APC: variants seen among roughly 807,000 people sequenced by gnomAD.
APC encodes APC regulator of Wnt signaling pathway.
APC carries 72 observed loss-of-function variants against 247.0 expected under a neutral mutation model. That is an observed-to-expected ratio of 0.29 (90% CI 0.24 to 0.35). APC has a LOEUF of 0.35. Ranked by LOEUF, APC falls within the 10% of genes least tolerant of loss-of-function variation. The pLI, the probability that APC is intolerant of heterozygous loss-of-function variation, is 1.00. For missense variants in APC, 3,400 were observed against 3,360.7 expected, an observed-to-expected ratio of 1.01 and a Z score of -0.29; for synonymous variants, 1,254 against 1,162.5, an observed-to-expected ratio of 1.08 and a Z score of -1.60.
intron 14 of APC, among the ~76,000 whole-genome samples, chr5:112,830,931 G>A (rs1249661717): frequency 1.3e-5 from 2 of 152,132 alleles, no homozygotes; most frequent in Non-Finnish European, 2.9e-5. Context: ...GCAGTTTACT[G>A]TTCTTCAATT....
intron 8 of APC, among the ~76,000 whole-genome samples, chr5:112,807,878 G>T (rs969219178): frequency 2.0e-5 from 3 of 152,110 alleles, no homozygotes; most frequent in African/African-American, 7.2e-5. Context: ...TAACTGGCCA[G>T]GTGTGGTGGC....
rs1580661996 is a variant in APC, at chr5:112,841,227, A to G, written c.5633A>G (p.Lys1878Arg). 1.2e-6 allele frequency: 2 copies of G among 1,613,844 alleles called. No homozygotes were observed. Among genetic ancestry groups the G allele is most frequent in the Non-Finnish European group, 1.7e-6 (2 of 1,179,786 alleles). Reference sequence around the variant, plus strand: ...GATGATGTTGACCTTTCCAGGGAAAAGGCTGAATTAAGAAAGGCAAAAGAA... The same window carrying G: ...GATGATGTTGACCTTTCCAGGGAAAGGGCTGAATTAAGAAAGGCAAAAGAA... ...DDDDVDLSRE[K>R]AELRKAKENK... Residue 1878 changes from lysine to arginine, a missense_variant, in exon 16 of 16, where the codon AAG becomes AGG. By Grantham distance (26) the Lys-to-Arg change is conservative. Coordinates refer to ENST00000257430, the MANE Select transcript of APC (RefSeq NM_000038.6). The surrounding 1 kb of genome is among the most constrained non-coding windows in gnomAD (Gnocchi z 4.6).
intron 6 of APC, among the ~76,000 whole-genome samples, chr5:112,787,951 A>G (rs1405311165): frequency 5.3e-5 from 8 of 151,976 alleles, no homozygotes; most frequent in Admixed American, 1.3e-4. Flanking sequence ...TGTATTATAC[A>G]TGCACATGAT....
chr5:112,751,670 A>G (rs1371627991), intron 1 of APC, among the ~76,000 whole-genome samples: 1 of 151,888 alleles, frequency 6.6e-6, no homozygotes, highest in Non-Finnish European at 1.5e-5. Flanking sequence ...TGTATTGCCA[A>G]ATTATATTAT....
rs540750541 is a variant in APC at position 112,845,716 on chromosome 5, G to A, written c.*1590G>A. 43 of 231,960 alleles carry A rather than the reference G, an allele frequency of 1.9e-4. No individual in the cohort carries two copies. The highest frequency in any genetic ancestry group is 3.4e-4 in the Non-Finnish European group (40 of 117,376). 14.4% of individuals were successfully genotyped at this position (231,960 alleles called of 1,614,324 possible). A position where few individuals can be genotyped will look rare whatever the true frequency, so the allele number is the denominator to read the frequency against. On this transcript the variant is annotated 3_prime_UTR_variant, in exon 16 of 16. Transcript: ENST00000257430. ...TGGAGGGAAGTCTTCCTTCCTGAAG[G>A]AAAATAAACTGACACTTATTAACTA...
chr5:112,738,918 A>G (rs992723958), intron 1 of APC, among the ~76,000 whole-genome samples: 2 of 152,222 alleles, frequency 1.3e-5, no homozygotes, highest in Admixed American at 6.5e-5. Flanking sequence ...TTATGTATGA[A>G]ACAGTGGATC....
chr5:112,766,202 T>C (rs1305280009), intron 2 of APC, 124 bp from the exon 3 acceptor site: 12 of 667,524 alleles, frequency 1.8e-5, no homozygotes, highest in South Asian at 1.4e-4. Context: ...GTAATATATA[T>C]AAGGTGCGTG....
chr5:112,830,955 G>A (rs1764229602), intron 14 of APC, among the ~76,000 whole-genome samples: 1 of 152,076 alleles, frequency 6.6e-6, no homozygotes, highest in South Asian at 2.1e-4. Flanking sequence ...TTTCAATAAA[G>A]TTCAAAAAAA....
intron 7 of APC, among the ~76,000 whole-genome samples, chr5:112,799,528 CT>C (rs1760577448): frequency 3.9e-5 from 6 of 152,198 alleles, no homozygotes; most frequent in African/African-American, 1.4e-4. Context: ...ATACATTAGC[CT>C]CCTAACTGGT....
chr5:112,734,532 G>GA (rs933172092), upstream of APC, among the ~76,000 whole-genome samples: 8 of 150,098 alleles, frequency 5.3e-5, no homozygotes, highest in East Asian at 1.9e-4. Flanking sequence ...TATTTTGAAA[G>GA]AAAAAAAAAG....
rs543118473 is a variant in APC at position 112,779,837 on chromosome 5, G to A, written c.532-953G>A. Among the ~76,000 whole-genome samples, 78 of 152,286 alleles carry A rather than the reference G, an allele frequency of 5.1e-4. 1 individual carries two copies. The South Asian group carries it at 0.015, about 28-fold the overall frequency. ...TGCATATGAATGTCATCTGTATGTT[G>A]CAAAGGGAAAAGGGTGAGAACTAAT... is the stretch of plus-strand genomic sequence containing the variant. On this transcript the variant is annotated intron_variant, in intron 5 of 15. Transcript: ENST00000257430.
At position 112,842,906 on chromosome 5, in the gene APC, G is replaced by C. The variant is rs1766445332; in HGVS notation, c.7312G>C (p.Val2438Leu). The change falls in exon 16 of 16, where the codon GTA (valine) becomes CTA (leucine). Residue 2438 changes from valine (V) to leucine (L), a missense_variant. By Grantham distance (32) the Val-to-Leu change is conservative. Around this residue, in one of 9 missense-constraint regions of APC, gnomAD observed 1,788 missense variants for 1,649.5 expected, o/e 1.08. Transcript: ENST00000257430. ...ESDRSERPVLVRQSTFIKEAP... is the reference protein window; with the variant it reads ...ESDRSERPVLLRQSTFIKEAP... ...TGATAGATCAGAAAGACCTGTATTA[G>C]TACGCCAGTCAACTTTCATCAAAGA... is the stretch of plus-strand genomic sequence containing the variant. 1 of 1,613,930 alleles carries C rather than the reference G, an allele frequency of 6.2e-7. No homozygotes were observed. Among genetic ancestry groups the C allele is most frequent in the African/African-American group, 1.3e-5 (1 of 74,908 alleles).
chr5:112,811,370 A>G (rs534030175), intron 8 of APC, among the ~76,000 whole-genome samples: 3 of 152,332 alleles, frequency 2.0e-5, no homozygotes, highest in African/African-American at 7.2e-5. Flanking sequence ...GTGGGAAACA[A>G]TTCTTAGGAA....
intron 14 of APC, among the ~76,000 whole-genome samples, chr5:112,831,416 A>C (rs984290212): frequency 1.3e-5 from 2 of 152,084 alleles, no homozygotes; most frequent in African/African-American, 4.8e-5. Context: ...ATCTTGGAAA[A>C]ACTAGCTGTC....
At chr5:112,762,563 C>A (rs577856508) in intron 2 of APC, among the ~76,000 whole-genome samples, 124 of 152,218 alleles carry the variant, frequency 8.1e-4, no homozygotes, top group African/African-American at 2.8e-3. Flanking sequence ...TTCACAGATA[C>A]TATGTTGAAC....
chr5:112,710,560 A>G (rs1321885343), intron 1 of APC, among the ~76,000 whole-genome samples: 1 of 152,130 alleles, frequency 6.6e-6, no homozygotes, highest in Admixed American at 6.5e-5. Context: ...TCTAGCCTAC[A>G]TAGATGCTTG....
intron 1 of APC, among the ~76,000 whole-genome samples, chr5:112,717,896 C>CTTT (rs1751260001): frequency 5.4e-5 from 1 of 18,528 alleles, no homozygotes; most frequent in Non-Finnish European, 1.3e-4. Flanking sequence ...TTTTCTTTTT[C>CTTT]TTTTTCTTTT....
At chr5:112,789,148 A>G (rs752860627) in intron 6 of APC, among the ~76,000 whole-genome samples, 3 of 152,194 alleles carry the variant, frequency 2.0e-5, no homozygotes, top group Non-Finnish European at 4.4e-5. Flanking sequence ...ACTTTTTTCT[A>G]AAGTCATATC....
intron 7 of APC, among the ~76,000 whole-genome samples, chr5:112,800,635 T>C (rs1229260395): frequency 1.3e-5 from 2 of 152,116 alleles, no homozygotes; most frequent in African/African-American, 2.4e-5. Flanking sequence ...TTTAATTTTG[T>C]GGTGGTATTT....
Sources: gnomAD v4.1 joint callset for allele counts (sites outside exome capture counted in the v4.1 genomes callset) on GRCh38, gnomAD v4.1.1 for gene constraint, gnomAD v4.1.1 regional missense constraint, Gnocchi (gnomAD v3.1) non-coding constraint, MANE v1.5 for transcripts, NCBI Gene and HGNC (gene_info 2026-07-23, HGNC 2026-07-21) for gene names.